Variants in ANKFN1 observed in about 807,000 individuals in gnomAD.
The protein encoded by ANKFN1 is ankyrin repeat and fibronectin type III domain containing 1.
ANKFN1 carries 74 observed loss-of-function variants against 108.7 expected under a neutral mutation model. The ratio of observed to expected loss-of-function variants is 0.68; its 90% CI spans 0.56 to 0.83. ANKFN1 has a LOEUF of 0.83. ANKFN1 is among the 40% of genes least tolerant of loss of function. ANKFN1 has a pLI of 0.00. For missense variants in ANKFN1, 1,505 were observed against 1,382.3 expected (o/e 1.09, Z -1.41); for synonymous variants, 547 against 516.2 (o/e 1.06, Z -0.81).
chr17:56,320,786 C>T (rs1222845020), intron 3 of ANKFN1, among the ~76,000 whole-genome samples: 1 of 152,058 alleles, frequency 6.6e-6, no homozygotes, highest in African/African-American at 2.4e-5. Flanking sequence ...TTAAGAGAAT[C>T]CCGTTTCTCA....
At chr17:56,421,423 C>T (rs533772565) in intron 8 of ANKFN1, among the ~76,000 whole-genome samples, 5 of 152,284 alleles carry the variant, frequency 3.3e-5, no homozygotes, top group Admixed American at 1.3e-4. Context: ...TGCCATCTTC[C>T]TCCTCTCATT....
At chr17:56,068,098 T>C (rs1052541557) in intron 4 of ANKFN1, among the ~76,000 whole-genome samples, 2 of 152,130 alleles carry the variant, frequency 1.3e-5, no homozygotes, top group East Asian at 3.9e-4. Flanking sequence ...CCAGCCTTCA[T>C]ACTTCTTTTA....
At chr17:56,177,209 G>A (rs1157935199) in intron 1 of ANKFN1, among the ~76,000 whole-genome samples, 2 of 152,174 alleles carry the variant, frequency 1.3e-5, no homozygotes, top group Non-Finnish European at 1.5e-5. Context: ...TTTCCCAAGG[G>A]GGTTCCCATC....
At chr17:56,147,205 G>T (rs1411930704) in intron 4 of ANKFN1, among the ~76,000 whole-genome samples, 1 of 152,154 alleles carries the variant, frequency 6.6e-6, no homozygotes, top group African/African-American at 2.4e-5. Flanking sequence ...TTTCTAGGAA[G>T]TTCCAAACCT....
intron 8 of ANKFN1, among the ~76,000 whole-genome samples, chr17:56,414,582 G>C (rs2048185817): frequency 6.6e-6 from 1 of 152,124 alleles, no homozygotes; most frequent in Non-Finnish European, 1.5e-5. Flanking sequence ...GATGTGGAGA[G>C]ATAACACAGA....
At chr17:56,240,579 A>G (rs1254726039) in intron 3 of ANKFN1, among the ~76,000 whole-genome samples, 1 of 152,144 alleles carries the variant, frequency 6.6e-6, no homozygotes, top group East Asian at 1.9e-4. Context: ...TAAGGTATAT[A>G]TCTCATTAAT....
At chr17:56,156,280 G>T (rs894620251) in intron 1 of ANKFN1, among the ~76,000 whole-genome samples, 3 of 151,968 alleles carry the variant, frequency 2.0e-5, no homozygotes, top group African/African-American at 2.4e-5. Context: ...TAGAGACAGG[G>T]TTTCACTATG....
intron 3 of ANKFN1, among the ~76,000 whole-genome samples, chr17:56,260,282 G>A (rs1331165388): frequency 6.6e-6 from 1 of 152,170 alleles, no homozygotes; most frequent in Non-Finnish European, 1.5e-5. Flanking sequence ...TGAATCAGAG[G>A]CATATGGATT....
At chr17:56,496,859 C>T (rs1016283340) in intron 19 of ANKFN1, among the ~76,000 whole-genome samples, 2 of 152,004 alleles carry the variant, frequency 1.3e-5, no homozygotes, top group African/African-American at 4.8e-5. Flanking sequence ...TCATGATTGT[C>T]ATTATAAAAA....
At chr17:56,238,793 T>C (rs1673863748) in intron 3 of ANKFN1, among the ~76,000 whole-genome samples, 1 of 152,192 alleles carries the variant, frequency 6.6e-6, no homozygotes, top group African/African-American at 2.4e-5. Flanking sequence ...GTTTAACGAA[T>C]AGCTTACAAA....
chr17:56,247,333 A>T lies in ANKFN1; in HGVS notation c.53+19376A>T, dbSNP rs112036573. Among the ~76,000 whole-genome samples, 471 of 152,330 alleles carry T rather than the reference A, an allele frequency of 3.1e-3. 2 individuals carry two copies. The highest frequency in any genetic ancestry group is 0.011 in the African/African-American group (446 of 41,580). ...AGTATACAAAAATACAGGTCATTTGAAAGTTAAACTTTTAAAACTTGAGCA... is the reference window on the plus strand; with the variant it reads ...AGTATACAAAAATACAGGTCATTTGTAAGTTAAACTTTTAAAACTTGAGCA... On this transcript the variant is annotated intron_variant, in intron 3 of 20. Coordinates refer to ENST00000682825, the MANE Select transcript of ANKFN1 (RefSeq NM_001370326.1).
intron 14 of ANKFN1, 42 bp from the exon 15 acceptor site, chr17:56,466,314 G>A (rs1374851811): frequency 1.3e-6 from 2 of 1,554,460 alleles, no homozygotes; most frequent in South Asian, 1.1e-5. Context: ...TGCTTTGTTA[G>A]CATAATACCC....
intron 4 of ANKFN1, among the ~76,000 whole-genome samples, chr17:56,336,607 C>G (rs1175765621): frequency 6.6e-6 from 1 of 152,110 alleles, no homozygotes; most frequent in Non-Finnish European, 1.5e-5. Flanking sequence ...ATTCTTCTCT[C>G]TTTTCCTCTT....
intron 18 of ANKFN1, among the ~76,000 whole-genome samples, chr17:56,487,273 A>G (rs1051694426): frequency 6.6e-6 from 1 of 152,156 alleles, no homozygotes; most frequent in African/African-American, 2.4e-5. Flanking sequence ...GCAATAATAA[A>G]GCATGTTCCT....
chr17:56,162,116 T>G (rs1400706137), intron 1 of ANKFN1, among the ~76,000 whole-genome samples: 2 of 152,132 alleles, frequency 1.3e-5, no homozygotes, highest in African/African-American at 4.8e-5. Context: ...GGGGTCTTAT[T>G]TAGAGTCTCA....
intron 1 of ANKFN1, among the ~76,000 whole-genome samples, chr17:56,171,910 A>G (rs2143572974): frequency 6.6e-6 from 1 of 152,260 alleles, no homozygotes; most frequent in East Asian, 1.9e-4. Context: ...TGGCTTTTCT[A>G]TTTATCACCC....
intron 8 of ANKFN1, among the ~76,000 whole-genome samples, chr17:56,408,383 A>G (rs1188010593): frequency 6.6e-6 from 1 of 152,128 alleles, no homozygotes; most frequent in Non-Finnish European, 1.5e-5. Context: ...TTTCTTCGAG[A>G]CACTCTAGTT....
Position 56,457,270 on chromosome 17 carries a change from G to A in ANKFN1, c.1321G>A (p.Ala441Thr). Residue 441 changes from alanine to threonine, a missense_variant, in exon 13 of 21, where the codon GCC (alanine) becomes ACC (threonine). By Grantham distance (58) the Ala-to-Thr change is moderately conservative. Transcript: ENST00000682825. The part of the protein sequence containing the change: ...VKTLKRGLYI[A>T]VIFYYKDNIL... ...TTTTCTTTTTAGGGGACTCTACATA[G>A]CCGTTATATTTTATTACAAAGACAA... 6.3e-7 allele frequency: 1 copy of A among 1,589,932 alleles called. No individual in the cohort carries two copies.
chr17:56,303,328 G>A (rs111418421), intron 3 of ANKFN1, among the ~76,000 whole-genome samples: 1,718 of 152,260 alleles, frequency 0.011, 12 homozygotes, highest in South Asian at 0.034. Context: ...GGGTACAGGC[G>A]TGTGCAAAGT....
Sources: gnomAD v4.1 joint callset for allele counts (sites outside exome capture counted in the v4.1 genomes callset) on GRCh38, gnomAD v4.1.1 for gene constraint, MANE v1.5 for transcripts, NCBI Gene and HGNC (gene_info 2026-07-23, HGNC 2026-07-21) for gene names.